The following EYA1 variants were observed in gnomAD, a reference collection of about 807,000 sequenced individuals.
The protein encoded by EYA1 is protein phosphatase EYA1.
Under a neutral mutation model 82.0 loss-of-function variants are expected in EYA1, and 16 were observed. That is an observed-to-expected ratio of 0.20 (90% CI 0.13 to 0.30). The LOEUF (loss-of-function observed/expected upper bound fraction) is 0.30, where lower values mean the gene tolerates loss of function less well. EYA1 is among the 10% of genes least tolerant of loss of function. The pLI is 1.00. For missense variants in EYA1, 633 were observed against 730.7 expected (o/e 0.87, Z 1.54); for synonymous variants, 261 against 264.4 (o/e 0.99, Z 0.12).
intron 2 of EYA1, among the ~76,000 whole-genome samples, chr8:71,503,022 T>A (rs898315187): frequency 6.6e-6 from 1 of 152,240 alleles, no homozygotes. Context: ...ATTATACGTA[T>A]GATACTGAAT....
At chr8:71,336,566 C>T (rs1015633584) in intron 3 of EYA1, among the ~76,000 whole-genome samples, 4 of 152,200 alleles carry the variant, frequency 2.6e-5, no homozygotes, top group Non-Finnish European at 4.4e-5. Context: ...AGCTATTCTC[C>T]ATATGATTAG....
chr8:71,335,657 C>T (rs769947008), intron 3 of EYA1, among the ~76,000 whole-genome samples: 1 of 152,122 alleles, frequency 6.6e-6, no homozygotes, highest in Non-Finnish European at 1.5e-5. Context: ...CCTTCCCTCT[C>T]CATGACACCA....
intron 12 of EYA1, among the ~76,000 whole-genome samples, chr8:71,220,337 T>G (rs1009450233): frequency 1.3e-5 from 2 of 152,204 alleles, no homozygotes; most frequent in African/African-American, 4.8e-5. Context: ...AGCATTCACA[T>G]TTCTAGGGGC....
chr8:71,330,498 T>C (rs1488567516), intron 4 of EYA1, among the ~76,000 whole-genome samples: 1 of 152,172 alleles, frequency 6.6e-6, no homozygotes, highest in Admixed American at 6.6e-5. Context: ...TTTCCTTTCC[T>C]TCCCTTCTTT....
At chr8:71,477,141 T>C (rs1384418296) in intron 2 of EYA1, among the ~76,000 whole-genome samples, 1 of 152,130 alleles carries the variant, frequency 6.6e-6, no homozygotes, top group Non-Finnish European at 1.5e-5. Context: ...GACACAGGAT[T>C]ACATCTTCAT....
chr8:71,215,271 T>C, intron 16 of EYA1, 116 bp downstream of exon 16: 1 of 970,510 alleles, frequency 1.0e-6, no homozygotes, highest in South Asian at 1.4e-5. Context: ...ATTATTCTTG[T>C]ATTTTTTTTT....
intron 7 of EYA1, among the ~76,000 whole-genome samples, chr8:71,311,621 C>G (rs1340172604): frequency 6.6e-6 from 1 of 152,202 alleles, no homozygotes; most frequent in Non-Finnish European, 1.5e-5. Context: ...CACTGCGGAA[C>G]AGGAAAATGT....
chr8:71,324,992 CA>C (rs1822995137), intron 4 of EYA1, among the ~76,000 whole-genome samples: 1 of 152,186 alleles, frequency 6.6e-6, no homozygotes, highest in Admixed American at 6.5e-5. Flanking sequence ...TCAATACTGT[CA>C]ACACCATGTT....
rs182818879 is a variant in EYA1, at chr8:71,400,015, T to G, written c.34-43504A>C. Among the ~76,000 whole-genome samples the G allele has an allele frequency of 3.0e-3, 450 of 152,202 alleles. 1 individual carries two copies. The highest frequency in any genetic ancestry group is 5.1e-3 in the Non-Finnish European group (345 of 68,004). On this transcript the variant is annotated intron_variant, in intron 2 of 18. Coordinates refer to the EYA1 transcript ENST00000643681. ...GACTGCACATCTACATGCATCTGTCTTCAACAAACCTGAGAAACAGCAATG... is the reference window on the plus strand; with the variant it reads ...GACTGCACATCTACATGCATCTGTCGTCAACAAACCTGAGAAACAGCAATG...
At chr8:71,248,994 C>A (rs1813432262) in intron 11 of EYA1, among the ~76,000 whole-genome samples, 1 of 152,152 alleles carries the variant, frequency 6.6e-6, no homozygotes, top group African/African-American at 2.4e-5. Context: ...AATTCCAGAG[C>A]TGCAGTTATA....
chr8:71,321,647 A>T, intron 6 of EYA1, 87 bp downstream of exon 6: 3 of 1,512,614 alleles, frequency 2.0e-6, no homozygotes, highest in Non-Finnish European at 2.7e-6. Flanking sequence ...AAATTGGCCA[A>T]AGATTGGGTC....
intron 3 of EYA1, among the ~76,000 whole-genome samples, chr8:71,340,243 T>C (rs72654176): frequency 0.092 from 14,070 of 152,228 alleles, 870 homozygotes; most frequent in African/African-American, 0.18. Context: ...TGACACAGAA[T>C]TTTTCTTATT....
In EYA1 at chr8:71,287,306, A is replaced by C. The variant is rs188180926; in HGVS notation, c.826+11741T>G. ...TGTAAAATAAACTAAAGGCAAGTAA[A>C]CTTGTTGACTAGCCTTATAGGGATA... On this transcript the variant is annotated intron_variant, in intron 9 of 17. Coordinates refer to ENST00000340726, the MANE Select transcript of EYA1 (RefSeq NM_000503.6). Among the ~76,000 whole-genome samples, 156 of 152,316 alleles carry C rather than the reference A, an allele frequency of 1.0e-3. 1 individual carries two copies. The highest frequency in any genetic ancestry group is 1.8e-3 in the Non-Finnish European group (121 of 68,020).
chr8:71,437,413 G>C (rs908918910), intron 2 of EYA1, among the ~76,000 whole-genome samples: 1 of 151,844 alleles, frequency 6.6e-6, no homozygotes. Context: ...GGAACCCAAA[G>C]ATCAGCCTCT....
At chr8:71,376,266 G>A (rs1828364771) in intron 2 of EYA1, among the ~76,000 whole-genome samples, 1 of 152,172 alleles carries the variant, frequency 6.6e-6, no homozygotes, top group Non-Finnish European at 1.5e-5. Context: ...TTAGCAAGTA[G>A]GAGGGAAGAA....
chr8:71,226,694 T>A (rs916476525), intron 12 of EYA1, among the ~76,000 whole-genome samples: 2 of 150,584 alleles, frequency 1.3e-5, no homozygotes, highest in African/African-American at 2.4e-5. Context: ...AATATAAGGA[T>A]AATTAAAAGA....
At chr8:71,358,859 CAA>C (rs1226326167) in intron 1 of EYA1, among the ~76,000 whole-genome samples, 1 of 152,022 alleles carries the variant, frequency 6.6e-6, no homozygotes, top group African/African-American at 2.4e-5. Flanking sequence ...TATTTCCATT[CAA>C]AAGAGAAAAA....
intron 2 of EYA1, among the ~76,000 whole-genome samples, chr8:71,500,721 T>A (rs1477407197): frequency 3.9e-5 from 6 of 152,152 alleles, no homozygotes; most frequent in Non-Finnish European, 7.4e-5. Flanking sequence ...CATTCTGCAT[T>A]TCATTATCAT....
At chr8:71,494,935 C>G (rs1227956716) in intron 2 of EYA1, among the ~76,000 whole-genome samples, 2 of 151,888 alleles carry the variant, frequency 1.3e-5, no homozygotes, top group Non-Finnish European at 2.9e-5. Context: ...TCTCTTAAGG[C>G]CTAAGCAATA....
Sources: allele counts gnomAD v4.1 joint callset (sites outside exome capture counted in the v4.1 genomes callset), GRCh38; gene constraint gnomAD v4.1.1; transcripts MANE v1.5; gene names NCBI Gene and HGNC (gene_info 2026-07-23, HGNC 2026-07-21).